TSHR: variants seen among roughly 807,000 people sequenced by gnomAD.
The protein encoded by TSHR is thyroid stimulating hormone receptor, also known as thyrotropin receptor.
In TSHR, 51 loss-of-function variants were observed where a neutral mutation model predicts 64.1. The observed-to-expected ratio is 0.80, with a 90% CI of 0.64 to 1.01. The LOEUF (loss-of-function observed/expected upper bound fraction) is 1.01, where lower values mean the gene tolerates loss of function less well. TSHR is among the 50% of genes least tolerant of loss of function. The pLI, the probability that TSHR is intolerant of heterozygous loss-of-function variation, is 0.00. For missense variants in TSHR, 877 were observed against 942.8 expected (o/e 0.93, Z 0.91); for synonymous variants, 361 against 361.9 (o/e 1.00, Z 0.03).
At chr14:80,958,690 C>G (rs369398426) in intron 1 of TSHR, among the ~76,000 whole-genome samples, 1 of 152,008 alleles carries the variant, frequency 6.6e-6, no homozygotes, top group East Asian at 1.9e-4. Context: ...CAAGAAAGAT[C>G]TAAGTTATGG....
chr14:80,957,466 C>T (rs78666082), intron 1 of TSHR, among the ~76,000 whole-genome samples: 2 of 144,382 alleles, frequency 1.4e-5, no homozygotes, highest in African/African-American at 5.1e-5. Flanking sequence ...TCAGAAAAAA[C>T]AAAAAAAAAA....
At chr14:80,989,526 T>A (rs904664123) in intron 1 of TSHR, among the ~76,000 whole-genome samples, 4 of 152,166 alleles carry the variant, frequency 2.6e-5, no homozygotes, top group African/African-American at 9.7e-5. Flanking sequence ...CACATTGCAA[T>A]CTTCCTTTTG....
At chr14:80,972,404 G>T (rs577349558) in intron 1 of TSHR, among the ~76,000 whole-genome samples, 2 of 152,098 alleles carry the variant, frequency 1.3e-5, no homozygotes, top group South Asian at 2.1e-4. Context: ...GGAGGTGTTT[G>T]ACTCTCATTT....
intron 1 of TSHR, among the ~76,000 whole-genome samples, chr14:81,039,053 A>G (rs954030130): frequency 6.6e-6 from 1 of 151,986 alleles, no homozygotes; most frequent in Admixed American, 6.6e-5. Context: ...TGAGGCCAGC[A>G]TTACCCTGAT....
chr14:81,101,149 A>G (rs1231301869), intron 7 of TSHR, among the ~76,000 whole-genome samples: 3 of 152,234 alleles, frequency 2.0e-5, no homozygotes, highest in Non-Finnish European at 4.4e-5. Context: ...CAGGAAACAG[A>G]TAAGACCAAA....
chr14:81,036,584 T>C (rs1255525286), intron 1 of TSHR, among the ~76,000 whole-genome samples: 2 of 152,176 alleles, frequency 1.3e-5, no homozygotes, highest in South Asian at 2.1e-4. Flanking sequence ...ACCAGCCATA[T>C]AAGAAATGCT....
At chr14:81,017,139 T>C (rs1173721071) in intron 1 of TSHR, among the ~76,000 whole-genome samples, 1 of 152,200 alleles carries the variant, frequency 6.6e-6, no homozygotes, top group Non-Finnish European at 1.5e-5. Context: ...AGCAGTAAGA[T>C]ATAATAACTC....
At chr14:80,963,852 T>A (rs1285129247) in intron 1 of TSHR, among the ~76,000 whole-genome samples, 1 of 152,242 alleles carries the variant, frequency 6.6e-6, no homozygotes, top group African/African-American at 2.4e-5. Context: ...TTTTCTCAAA[T>A]GCCAAGGTGT....
intron 3 of TSHR, chr14:81,078,660 T>C (rs1257931095): frequency 6.6e-6 from 1 of 152,220 alleles, no homozygotes; most frequent in East Asian, 1.9e-4. Context: ...GCTTTTACTT[T>C]ATATCCTTGG....
chr14:81,096,777 C>A, intron 7 of TSHR, 70 bp downstream of exon 7: 1 of 1,501,790 alleles, frequency 6.7e-7, no homozygotes, highest in Non-Finnish European at 9.2e-7. Context: ...GGGCAGAATG[C>A]TGTTGAGAGA....
At chr14:81,140,902 C>T (rs1191339900) in intron 9 of TSHR, among the ~76,000 whole-genome samples, 11 of 152,126 alleles carry the variant, frequency 7.2e-5, no homozygotes, top group Non-Finnish European at 1.5e-5. Context: ...GCCAGATCAT[C>T]TGAGGTCAGG....
At chr14:81,079,175 G>T (rs942856824) in intron 3 of TSHR, among the ~76,000 whole-genome samples, 3 of 152,190 alleles carry the variant, frequency 2.0e-5, no homozygotes. Context: ...GGACCGAAAA[G>T]TATGCATGTA....
intron 1 of TSHR, among the ~76,000 whole-genome samples, chr14:81,028,105 A>G (rs750054655): frequency 2.6e-5 from 4 of 152,228 alleles, no homozygotes; most frequent in Non-Finnish European, 4.4e-5. Flanking sequence ...CTTACGATAC[A>G]TAAAGTTATA....
intron 2 of TSHR, among the ~76,000 whole-genome samples, chr14:81,064,946 C>G (rs553436027): frequency 6.6e-6 from 1 of 152,088 alleles, no homozygotes; most frequent in South Asian, 2.1e-4. Context: ...TACATCATAA[C>G]GAGGAAGTCA....
chr14:80,998,127 T>C (rs56169819), intron 1 of TSHR, among the ~76,000 whole-genome samples: 21,399 of 152,206 alleles, frequency 0.14, 1,784 homozygotes, highest in East Asian at 0.38. Context: ...AATCCTTGCC[T>C]TGATCCAAGA....
chr14:81,130,908 G>A (rs1595161465), intron 8 of TSHR, among the ~76,000 whole-genome samples: 3 of 101,156 alleles, frequency 3.0e-5, no homozygotes, highest in South Asian at 4.0e-4. Context: ...GGAGAATGGC[G>A]TGAACCCGGG....
chr14:81,037,900 C>G (rs1444981885), intron 1 of TSHR, among the ~76,000 whole-genome samples: 1 of 146,352 alleles, frequency 6.8e-6, no homozygotes, highest in African/African-American at 2.5e-5. Flanking sequence ...ACCCTACTTT[C>G]AGCAATAGAT....
intron 1 of TSHR, among the ~76,000 whole-genome samples, chr14:81,011,940 T>C (rs1050944733): frequency 3.9e-5 from 6 of 152,160 alleles, no homozygotes; most frequent in African/African-American, 1.4e-4. Context: ...TATTTATTGA[T>C]TGATTTGTTA....
chr14:80,990,328 G>A (rs978714460), intron 1 of TSHR, among the ~76,000 whole-genome samples: 2 of 152,168 alleles, frequency 1.3e-5, no homozygotes, highest in African/African-American at 4.8e-5. Context: ...ATGCCTTGGG[G>A]CAGCTCATAA....
Sources: gnomAD v4.1 joint callset for allele counts (sites outside exome capture counted in the v4.1 genomes callset) on GRCh38, gnomAD v4.1.1 for gene constraint, MANE v1.5 for transcripts, NCBI Gene and HGNC (gene_info 2026-07-23, HGNC 2026-07-21) for gene names.